SCAF11: variants seen among roughly 807,000 people sequenced by gnomAD.
SCAF11 encodes protein SCAF11.
A neutral mutation model predicts 140.5 loss-of-function variants in SCAF11; 47 were observed. The observed-to-expected ratio is 0.33, with a 90% CI of 0.26 to 0.43. The LOEUF (loss-of-function observed/expected upper bound fraction) is 0.43, where lower values mean the gene tolerates loss of function less well. SCAF11 is among the 20% of genes least tolerant of loss of function. SCAF11 has a pLI of 1.00. For missense variants in SCAF11, 1,645 were observed against 1,705.1 expected (o/e 0.96, Z 0.62); for synonymous variants, 557 against 579.4 (o/e 0.96, Z 0.55).
intron 6 of SCAF11, among the ~76,000 whole-genome samples, chr12:45,937,234 T>C (rs1945192181): frequency 1.3e-5 from 2 of 152,182 alleles, no homozygotes; most frequent in Admixed American, 1.3e-4. Flanking sequence ...TTTTTAGTCC[T>C]ACTTTGAGAC....
intron 1 of SCAF11, among the ~76,000 whole-genome samples, chr12:45,966,368 G>C (rs1397136894): frequency 2.6e-5 from 4 of 151,094 alleles, no homozygotes; most frequent in Admixed American, 6.6e-5. Flanking sequence ...AAGATTTATA[G>C]AATACTATAG....
In SCAF11 at chr12:45,927,180, T is replaced by C. The variant is rs1254048180; in HGVS notation, c.2521A>G (p.Arg841Gly). ...QSPSPKNESA[R>G]GRKKSRSQSP... ...TGAGAACGGGATTTTTTCCGGCCTC[T>C]GGCTGACTCATTCTTAGGAGATGGT... The change falls in exon 11 of 15, where the codon AGA (arginine) becomes GGA (glycine). Residue 841 changes from arginine to glycine, a missense_variant. Physicochemically the swap from Arg to Gly is moderately radical, Grantham distance 125. Around this residue, in one of 2 missense-constraint regions of SCAF11, gnomAD observed 1,582 missense variants for 1,609.2 expected, o/e 0.98. Transcript: ENST00000369367. 2 of 1,614,058 alleles carry C rather than the reference T, an allele frequency of 1.2e-6. No individual in the cohort carries two copies. The highest frequency in any genetic ancestry group is 2.7e-5 in the African/African-American group (2 of 74,928).
At chr12:45,974,212 A>T (rs771940224) in intron 1 of SCAF11, 1 of 470,824 alleles carries the variant, frequency 2.1e-6, no homozygotes, top group African/African-American at 2.0e-5. Flanking sequence ...AATGCTAACA[A>T]TCATCTCAGC....
intron 3 of SCAF11, chr12:45,961,276 A>G (rs1945818591): frequency 1.4e-6 from 1 of 714,780 alleles, no homozygotes; most frequent in Non-Finnish European, 2.6e-6. Flanking sequence ...TGGTTATTCC[A>G]CAAGGCTGAT....
chr12:45,979,545 T>C (rs1279711596), intron 1 of SCAF11, among the ~76,000 whole-genome samples: 1 of 152,206 alleles, frequency 6.6e-6, no homozygotes. Context: ...CTTTCGTTGG[T>C]TTCTTGAGAA....
intron 1 of SCAF11, among the ~76,000 whole-genome samples, chr12:45,988,007 A>G (rs556625897): frequency 9.6e-4 from 146 of 152,356 alleles, no homozygotes; most frequent in African/African-American, 3.4e-3. Context: ...AGTTTTGGGA[A>G]TAGCAAGAGA....
At chr12:45,972,961 T>TATAGATACATAG (rs1565689234) in intron 1 of SCAF11, among the ~76,000 whole-genome samples, 1 of 82,290 alleles carries the variant, frequency 1.2e-5, no homozygotes, top group South Asian at 4.8e-4. Context: ...GATATATAGA[T>TATAGATACATAG]ATATATATAG....
At position 45,927,595 on chromosome 12, in the gene SCAF11, A is replaced by G; in HGVS notation, c.2106T>C (p.Ile702=). The G allele has an allele frequency of 6.2e-7, 1 of 1,613,112 alleles. No homozygotes were observed. The highest frequency in any genetic ancestry group is 8.5e-7 in the Non-Finnish European group (1 of 1,179,946). ...CACTAAAATGCTTCTGAATCTGTTCAATGTGTGTTTTAGGCAACTCTGTAG... is the reference window on the plus strand; with the variant it reads ...CACTAAAATGCTTCTGAATCTGTTCGATGTGTGTTTTAGGCAACTCTGTAG... ...PRSTELPKTH[I]EQIQKHFSED... Residue 702 remains isoleucine, a synonymous_variant, in exon 11 of 15, where the codon ATT becomes ATC. Transcript: ENST00000369367.
intron 5 of SCAF11, among the ~76,000 whole-genome samples, chr12:45,947,506 T>A (rs1945450709): frequency 6.6e-6 from 1 of 152,232 alleles, no homozygotes; most frequent in African/African-American, 2.4e-5. Context: ...AATAAACAGT[T>A]TAAATTATAA....
In SCAF11 at chr12:45,990,527, G is replaced by T; in HGVS notation, c.-196C>A. On this transcript the variant is annotated 5_prime_UTR_variant, in exon 1 of 15. Coordinates refer to ENST00000369367, the MANE Select transcript of SCAF11 (RefSeq NM_004719.3). ...GGTCCGGAGGCGGCGGCGAAGCAGGGAGCGACCCAGGTTGCGCTGCTCCGC... is the reference window on the plus strand; with the variant it reads ...GGTCCGGAGGCGGCGGCGAAGCAGGTAGCGACCCAGGTTGCGCTGCTCCGC... The T allele has an allele frequency of 8.1e-7, 1 of 1,231,986 alleles. No homozygotes were observed. The highest frequency in any genetic ancestry group is 1.0e-6 in the Non-Finnish European group (1 of 988,246). The allele number at this position is 1,231,986 out of a possible 1,614,324, so 76.3% of individuals were successfully genotyped here. A position where few individuals can be genotyped will look rare whatever the true frequency, so the allele number is the denominator to read the frequency against.
At position 45,922,979 on chromosome 12, in the gene SCAF11, C is replaced by T; in HGVS notation, c.4082G>A (p.Ser1361Asn). 2 of 1,614,178 alleles carry T rather than the reference C, an allele frequency of 1.2e-6. No homozygotes were observed. The highest frequency in any genetic ancestry group is 1.1e-5 in the South Asian group (1 of 91,088). Reference protein sequence around the residue: ...AAVKLAESKVSVAVEASADSS... With the variant: ...AAVKLAESKVNVAVEASADSS... The stretch of plus-strand genomic sequence containing the variant: ...ATCTGCGCTGGCTTCCACTGCAACA[C>T]TTACTTTGCTTTCTGCCAATTTTAC... Residue 1361 changes from serine to asparagine, a missense_variant, in exon 13 of 15, where the codon AGT becomes AAT. Around this residue, in one of 2 missense-constraint regions of SCAF11, gnomAD observed 1,582 missense variants for 1,609.2 expected, o/e 0.98. Coordinates refer to ENST00000369367, the MANE Select transcript of SCAF11 (RefSeq NM_004719.3).
At chr12:45,963,811 C>T (rs1488494960) in intron 2 of SCAF11, among the ~76,000 whole-genome samples, 1 of 152,070 alleles carries the variant, frequency 6.6e-6, no homozygotes, top group Admixed American at 6.6e-5. Context: ...CCAACGCTAA[C>T]TTTTTTTCTT....
At chr12:45,961,057 C>A (rs1338767455) in intron 3 of SCAF11, 1 of 371,508 alleles carries the variant, frequency 2.7e-6, no homozygotes, top group Non-Finnish European at 4.9e-6. Flanking sequence ...TTAAAAGTCA[C>A]GAATGTCTTG....
At chr12:45,955,692 A>C (rs1489756701) in intron 3 of SCAF11, 1 of 153,488 alleles carries the variant, frequency 6.5e-6, no homozygotes, top group East Asian at 1.9e-4. Context: ...TGTTGCCTTA[A>C]ATACAATAAA....
chr12:45,925,053 G>C lies in SCAF11; in HGVS notation c.3581C>G (p.Thr1194Arg), dbSNP rs1319224293. ...SGQDSSLKDQ[T>R]NQQVDGSQLP... ...CTGAGAACCATCAACTTGCTGGTTTGTTTGGTCTTTTAGGCTAGAATCTAT... is the reference window on the plus strand; with the variant it reads ...CTGAGAACCATCAACTTGCTGGTTTCTTTGGTCTTTTAGGCTAGAATCTAT... The change falls in exon 12 of 15, where the codon ACA (threonine) becomes AGA (arginine). Residue 1194 changes from threonine to arginine, a missense_variant. Around this residue, in one of 2 missense-constraint regions of SCAF11, gnomAD observed 1,582 missense variants for 1,609.2 expected, o/e 0.98. Transcript: ENST00000369367. 1.2e-6 allele frequency: 2 copies of C among 1,612,582 alleles called. No individual in the cohort carries two copies. The highest frequency in any genetic ancestry group is 8.5e-7 in the Non-Finnish European group (1 of 1,178,686).
intron 6 of SCAF11, among the ~76,000 whole-genome samples, chr12:45,944,351 G>A (rs2136556735): frequency 6.6e-6 from 1 of 152,214 alleles, no homozygotes; most frequent in South Asian, 2.1e-4. Context: ...AAATTTCAAA[G>A]GCAGAACGTT....
intron 3 of SCAF11, among the ~76,000 whole-genome samples, chr12:45,956,887 G>A (rs190563784): frequency 1.1e-4 from 17 of 152,184 alleles, no homozygotes; most frequent in Admixed American, 1.0e-3. Context: ...TATGCTTTAG[G>A]TGATGGGTGT....
chr12:45,939,731 A>G (rs890109949), intron 6 of SCAF11, among the ~76,000 whole-genome samples: 7 of 152,250 alleles, frequency 4.6e-5, no homozygotes, highest in Non-Finnish European at 1.0e-4. Context: ...AAATAAATAA[A>G]TAAGAAAACA....
intron 1 of SCAF11, among the ~76,000 whole-genome samples, chr12:45,989,759 AAAAGGCTGATGCTT>A (rs953656732): frequency 6.6e-6 from 1 of 152,196 alleles, no homozygotes; most frequent in African/African-American, 2.4e-5. Context: ...CAAGGAGTGA[AAAAGGCTGATGCTT>A]AGAAGCGCCG....
Sources: gnomAD v4.1 joint callset for allele counts (sites outside exome capture counted in the v4.1 genomes callset) on GRCh38, gnomAD v4.1.1 for gene constraint, gnomAD v4.1.1 regional missense constraint, MANE v1.5 for transcripts, NCBI Gene and HGNC (gene_info 2026-07-23, HGNC 2026-07-21) for gene names.